Variants in PHLDB1 observed in about 807,000 individuals in gnomAD.
The protein encoded by PHLDB1 is pleckstrin homology like domain family B member 1.
PHLDB1 carries 65 observed loss-of-function variants against 139.3 expected under a neutral mutation model. The ratio of observed to expected loss-of-function variants is 0.47; its 90% confidence interval spans 0.38 to 0.57. PHLDB1 has a LOEUF of 0.57. Among genes scored for constraint, PHLDB1 ranks in the 20% least tolerant of loss-of-function variants. The probability of loss-of-function intolerance (pLI) is 0.00; values close to 1 mark genes in which losing one functional copy is unlikely to be tolerated. For missense variants in PHLDB1, 1,624 were observed against 1,839.7 expected, an observed-to-expected ratio of 0.88 and a Z score of 2.14; for synonymous variants, 679 against 734.5, an observed-to-expected ratio of 0.92 and a Z score of 1.22.
In PHLDB1 at chr11:118,643,458, G is replaced by A. The variant is rs1042725497; in HGVS notation, c.2878-342G>A. ...TGTGTGGCCCAAGGTCACACAGCCT[G>A]TTAGTGGCAGAGCTAGGACCAGAGG... On this transcript the variant is annotated intron_variant, in intron 13 of 22. Transcript: ENST00000600882. 8 of 962,958 alleles carry A rather than the reference G, an allele frequency of 8.3e-6. No homozygotes were observed. The African/African-American group carries it at 1.2e-4, about 15-fold the overall frequency. The allele number at this position is 962,958 out of a possible 1,614,324, so 59.7% of individuals were successfully genotyped here.
chr11:118,650,849 A>ACG lies in PHLDB1; in HGVS notation c.3874+302_3874+303insCG. The ACG allele has an allele frequency of 1.3e-5, 5 of 397,688 alleles. No homozygotes were observed. The highest frequency in any genetic ancestry group is 5.6e-5 in the South Asian group (2 of 35,620). 24.6% of individuals were successfully genotyped at this position (397,688 alleles called of 1,614,324 possible). On this transcript the variant is annotated intron_variant, in intron 20 of 22. Transcript: ENST00000600882. This position sits in a 1 kb window ranked among gnomAD's most constrained non-coding sequence, Gnocchi z 4.7. ...CTCTCATGGAGCTTATAATCAGGGAAGCAGACAAGAGTGATAACCACGCAC... is the reference window on the plus strand; with the variant it reads ...CTCTCATGGAGCTTATAATCAGGGAACGGCAGACAAGAGTGATAACCACGCAC...
At chr11:118,633,674 TCTC>T (rs1555113026) in intron 9 of PHLDB1, 1 of 152,136 alleles carries the variant, frequency 6.6e-6, no homozygotes, top group African/African-American at 2.4e-5. Context: ...CCCCTACTCT[TCTC>T]CTCACTCCTG....
rs782569994 is a variant in PHLDB1, at chr11:118,639,208, CA to C, written c.2694del (p.Gly900AlafsTer22). On this transcript the variant is annotated frameshift_variant, in exon 12 of 23. Coordinates refer to ENST00000600882, the MANE Select transcript of PHLDB1 (RefSeq NM_001144758.3). LOFTEE classifies it high-confidence loss of function. ...TVLERRYHSLTGGRPFPKTTS... is the reference protein window; with the variant it reads ...TVLERRYHSLXGGRPFPKTTS... ...CTGGAAAGGAGATACCACTCACTCA[CA>C]GGGGGCAGGCCTTTCCCGAAGACCA... 3 of 1,614,120 alleles carry C rather than the reference CA, an allele frequency of 1.9e-6. No homozygotes were observed. In the South Asian group the frequency reaches 3.3e-5, roughly 18 times the overall value.
chr11:118,610,609 GC>G lies in PHLDB1; in HGVS notation c.-22+2911del, dbSNP rs1939982771. Reference sequence around the variant, plus strand: ...GGCCGGGTCTGGTGCTCTGGGGCTGGCTTTGGACCTCTCGTCCTGGGACTCC... The same window carrying G: ...GGCCGGGTCTGGTGCTCTGGGGCTGGTTTGGACCTCTCGTCCTGGGACTCC... On this transcript the variant is annotated intron_variant, in intron 1 of 22. Coordinates refer to ENST00000600882, the MANE Select transcript of PHLDB1 (RefSeq NM_001144758.3). This position sits in a 1 kb window ranked among gnomAD's most constrained non-coding sequence, Gnocchi z 8.7. 3 of 380,204 alleles carry G rather than the reference GC, an allele frequency of 7.9e-6. No homozygotes were observed. Among genetic ancestry groups the G allele is most frequent in the Non-Finnish European group, 1.1e-5 (3 of 276,446 alleles). The allele number at this position is 380,204 out of a possible 1,614,324, so 23.6% of individuals were successfully genotyped here. A position where few individuals can be genotyped will look rare whatever the true frequency, so the allele number is the denominator to read the frequency against.
In PHLDB1 at chr11:118,627,303, A is replaced by G; in HGVS notation, c.482-2A>G. 1 of 1,612,938 alleles carries G rather than the reference A, an allele frequency of 6.2e-7. No individual in the cohort carries two copies. Among genetic ancestry groups the G allele is most frequent in the Non-Finnish European group, 8.5e-7 (1 of 1,179,720 alleles). On this transcript the variant is annotated splice_acceptor_variant, in intron 5 of 22. Coordinates refer to ENST00000600882, the MANE Select transcript of PHLDB1 (RefSeq NM_001144758.3). LOFTEE classifies it high-confidence loss of function. ...GTCAAAGACCTTTGCATTTCCCTCC[A>G]GCAGAATCAGAAAGTCTGGTAAATG... is the stretch of plus-strand genomic sequence containing the variant.
chr11:118,627,816 G>A lies in PHLDB1; in HGVS notation c.993G>A (p.Leu331=). ...CCAGCCCTGGCCTCCGGGGTCTGCT[G>A]ACAGACAGCCCTGCAGCTACTGTCT... ...RPPSPGLRGL[L]TDSPAATVLA... The change falls in exon 6 of 23, where the codon CTG becomes CTA. Residue 331 remains leucine (L), a synonymous_variant. Coordinates refer to ENST00000600882, the MANE Select transcript of PHLDB1 (RefSeq NM_001144758.3). The A allele has an allele frequency of 6.2e-7, 1 of 1,605,194 alleles. No homozygotes were observed.
rs1940357591 is a variant in PHLDB1 at position 118,611,700 on chromosome 11, A to G, written c.-21-2116A>G. Among the ~76,000 whole-genome samples, 1 of 152,062 alleles carries G rather than the reference A, an allele frequency of 6.6e-6. No individual in the cohort carries two copies. The highest frequency in any genetic ancestry group is 2.4e-5 in the African/African-American group (1 of 41,406). ...GAGAAACCCCGTCTCTACTAAAAAT[A>G]CAAAATTAGCTGGGCTTGGTGGCAG... On this transcript the variant is annotated intron_variant, in intron 1 of 22. Transcript: ENST00000600882. This position sits in a 1 kb window ranked among gnomAD's most constrained non-coding sequence, Gnocchi z 4.7.
intron 12 of PHLDB1, chr11:118,641,206 C>T (rs1457489275): frequency 6.5e-6 from 1 of 153,840 alleles, no homozygotes; most frequent in African/African-American, 2.4e-5. Flanking sequence ...GTGTGCTCGC[C>T]CAGCCCCTGC....
intron 10 of PHLDB1, 41 bp from the exon 11 acceptor site, chr11:118,638,850 C>T: frequency 6.7e-7 from 1 of 1,487,582 alleles, no homozygotes; most frequent in Non-Finnish European, 9.2e-7. Context: ...GGGCTCAGCC[C>T]TGTCTCCCCA....
intron 13 of PHLDB1, 47 bp downstream of exon 13, chr11:118,642,441 C>T (rs369484271): frequency 1.3e-6 from 2 of 1,576,352 alleles, no homozygotes; most frequent in Non-Finnish European, 1.7e-6. Context: ...TGCACCTGTC[C>T]ACTCTGATAC....
At chr11:118,636,352 G>A (rs1295611304) in intron 10 of PHLDB1, among the ~76,000 whole-genome samples, 1 of 152,168 alleles carries the variant, frequency 6.6e-6, no homozygotes, top group Non-Finnish European at 1.5e-5. Flanking sequence ...TGGTGACGTA[G>A]GGGATTTGCT....
Position 118,632,920 on chromosome 11 carries a change from A to G in PHLDB1, c.2379+624A>G. The G allele has an allele frequency of 1.2e-6, 1 of 818,010 alleles. No homozygotes were observed. Among genetic ancestry groups the G allele is most frequent in the Non-Finnish European group, 1.5e-6 (1 of 677,728 alleles). 50.7% of individuals were successfully genotyped at this position (818,010 alleles called of 1,614,324 possible). Reference sequence around the variant, plus strand: ...CTGACAGTATTTTTCCAATAATTTAATTTTCCTTCTGGATTTTTTGAGTTT... The same window carrying G: ...CTGACAGTATTTTTCCAATAATTTAGTTTTCCTTCTGGATTTTTTGAGTTT... On this transcript the variant is annotated intron_variant, in intron 9 of 22. Transcript: ENST00000600882. This position sits in a 1 kb window ranked among gnomAD's most constrained non-coding sequence, Gnocchi z 5.9.
At chr11:118,627,190 G>C (rs558602614) in intron 5 of PHLDB1, 115 bp from the exon 6 acceptor site, 2 of 1,036,750 alleles carry the variant, frequency 1.9e-6, no homozygotes, top group Admixed American at 2.3e-5. Context: ...CACATCTCCT[G>C]GCTTCTTCTC....
chr11:118,644,773 C>A, intron 15 of PHLDB1: 1 of 922,646 alleles, frequency 1.1e-6, no homozygotes, highest in Non-Finnish European at 1.5e-6. Flanking sequence ...TGCCCAGGTC[C>A]CCACTGCCTG....
chr11:118,631,444 G>A lies in PHLDB1; in HGVS notation c.2065G>A (p.Glu689Lys). ...MERSDEENLKEECSSTESTQQ... is the reference protein window; with the variant it reads ...MERSDEENLKKECSSTESTQQ... The stretch of plus-strand genomic sequence containing the variant: ...GCGCTCAGATGAGGAAAATCTCAAG[G>A]AGGAGTGCAGCAGCACTGAGAGCAC... Residue 689 changes from glutamate to lysine, a missense_variant, in exon 7 of 23, where the codon GAG becomes AAG. Glu to Lys is a moderately conservative substitution (Grantham distance 56). Transcript: ENST00000600882. 6.9e-7 allele frequency: 1 copy of A among 1,439,490 alleles called. No individual in the cohort carries two copies. Among genetic ancestry groups the A allele is most frequent in the Non-Finnish European group, 9.1e-7 (1 of 1,097,252 alleles). 89.2% of individuals were successfully genotyped at this position (1,439,490 alleles called of 1,614,324 possible). A position where few individuals can be genotyped will look rare whatever the true frequency, so the allele number is the denominator to read the frequency against.
chr11:118,627,289 T>C lies in PHLDB1; in HGVS notation c.482-16T>C. 6.2e-7 allele frequency: 1 copy of C among 1,612,312 alleles called. No individual in the cohort carries two copies. Among genetic ancestry groups the C allele is most frequent in the South Asian group, 1.1e-5 (1 of 90,700 alleles). On this transcript the variant is annotated splice_polypyrimidine_tract_variant and intron_variant, in intron 5 of 22. Coordinates refer to ENST00000600882, the MANE Select transcript of PHLDB1 (RefSeq NM_001144758.3). ...TGCAGCTCCCTAAAGTCAAAGACCT[T>C]TGCATTTCCCTCCAGCAGAATCAGA...
chr11:118,618,244 G>C (rs572564311), intron 4 of PHLDB1, among the ~76,000 whole-genome samples: 1 of 152,048 alleles, frequency 6.6e-6, no homozygotes. Flanking sequence ...GGGCTCGCCT[G>C]TCTCAGAAGC....
intron 9 of PHLDB1, chr11:118,634,473 C>T (rs557578859): frequency 6.5e-6 from 1 of 152,918 alleles, no homozygotes; most frequent in Admixed American, 6.5e-5. Flanking sequence ...GGGATGAGAG[C>T]TGGAGGCTCT....
intron 4 of PHLDB1, among the ~76,000 whole-genome samples, chr11:118,618,207 T>A (rs1200132386): frequency 6.6e-6 from 1 of 151,952 alleles, no homozygotes; most frequent in Non-Finnish European, 1.5e-5. Flanking sequence ...CCATTTTCCC[T>A]CCCCAACCCC....
Sources: allele counts gnomAD v4.1 joint callset (sites outside exome capture counted in the v4.1 genomes callset), GRCh38; gene constraint gnomAD v4.1.1; non-coding constraint Gnocchi (gnomAD v3.1); transcripts MANE v1.5; gene names NCBI Gene and HGNC (gene_info 2026-07-23, HGNC 2026-07-21).